PARD3B: variants seen among roughly 807,000 people sequenced by gnomAD.
PARD3B encodes partitioning defective 3 homolog B.
A neutral mutation model predicts 130.2 loss-of-function variants in PARD3B; 103 were observed. The observed-to-expected ratio is 0.79, with a 90% confidence interval of 0.67 to 0.93. PARD3B has a LOEUF of 0.93. PARD3B is among the 40% of genes least tolerant of loss of function. The pLI, the probability that PARD3B is intolerant of heterozygous loss-of-function variation, is 0.00. For synonymous variants in PARD3B, 583 were observed against 553.2 expected, an observed-to-expected ratio of 1.05 and a Z score of -0.76; for missense variants, 1,609 against 1,499.2, an observed-to-expected ratio of 1.07 and a Z score of -1.21.
intron 13 of PARD3B, among the ~76,000 whole-genome samples, chr2:205,180,861 A>T (rs1481066998): frequency 2.0e-5 from 3 of 152,150 alleles, no homozygotes; most frequent in Admixed American, 2.0e-4. Flanking sequence ...GGTAATAGGG[A>T]TGGAGGCTGT....
At chr2:205,134,537 A>G (rs1171109195) in intron 10 of PARD3B, among the ~76,000 whole-genome samples, 1 of 152,138 alleles carries the variant, frequency 6.6e-6, no homozygotes, top group Admixed American at 6.6e-5. Context: ...AAACAAAGTC[A>G]GAAATAGCTT....
intron 22 of PARD3B, among the ~76,000 whole-genome samples, chr2:205,606,908 C>T (rs555757695): frequency 1.3e-5 from 2 of 152,236 alleles, no homozygotes; most frequent in Admixed American, 6.5e-5. Flanking sequence ...ATCACCTGGG[C>T]CCTTGAGAGA....
chr2:205,445,722 TAAAG>T (rs1434833117), intron 20 of PARD3B, among the ~76,000 whole-genome samples: 1 of 152,150 alleles, frequency 6.6e-6, no homozygotes, highest in Non-Finnish European at 1.5e-5. Context: ...CCTGGATAAG[TAAAG>T]AAGCATCCAT....
Position 204,907,946 on chromosome 2 carries a change from C to A in PARD3B, c.223-57206C>A, listed in dbSNP as rs1265633724. Reference sequence around the variant, plus strand: ...CAAACTCCTGGCCTCAAGTGACCTGCCTGCCTCAGCCTCCCAAAGTGCTGG... The same window carrying A: ...CAAACTCCTGGCCTCAAGTGACCTGACTGCCTCAGCCTCCCAAAGTGCTGG... On this transcript the variant is annotated intron_variant, in intron 2 of 22. Transcript: ENST00000406610. The surrounding 1 kb of genome is among the most constrained non-coding windows in gnomAD (Gnocchi z 5.7). Among the ~76,000 whole-genome samples, 1 of 152,134 alleles carries A rather than the reference C, an allele frequency of 6.6e-6. No individual in the cohort carries two copies. Among genetic ancestry groups the A allele is most frequent in the Non-Finnish European group, 1.5e-5 (1 of 68,014 alleles).
chr2:204,696,511 G>A (rs1055345888), intron 2 of PARD3B, among the ~76,000 whole-genome samples: 3 of 151,948 alleles, frequency 2.0e-5, no homozygotes, highest in Non-Finnish European at 4.4e-5. Flanking sequence ...CCAACAAGAC[G>A]TTTTTGACTT....
chr2:204,963,391 T>A (rs1233551570), intron 2 of PARD3B, among the ~76,000 whole-genome samples: 1 of 152,160 alleles, frequency 6.6e-6, no homozygotes, highest in Non-Finnish European at 1.5e-5. Flanking sequence ...TTAAGGCACA[T>A]GGGTTATACT....
chr2:204,594,077 A>AAATGGAGT (rs1221410472), intron 1 of PARD3B, among the ~76,000 whole-genome samples: 1 of 152,228 alleles, frequency 6.6e-6, no homozygotes, highest in Admixed American at 6.5e-5. Context: ...TGAATAAATG[A>AAATGGAGT]AATGGAGTCT....
At chr2:205,185,044 T>C (rs2036015400) in intron 13 of PARD3B, among the ~76,000 whole-genome samples, 1 of 152,332 alleles carries the variant, frequency 6.6e-6, no homozygotes, top group Non-Finnish European at 1.5e-5. Flanking sequence ...CTTAATATAA[T>C]GTCTGCTGTA....
chr2:204,584,311 G>A (rs185326284), intron 1 of PARD3B, among the ~76,000 whole-genome samples: 12 of 152,248 alleles, frequency 7.9e-5, no homozygotes, highest in Admixed American at 6.5e-4. Context: ...TGCGGTAATT[G>A]AATATTTAGA....
chr2:204,553,614 C>CTATATA (rs1559152160), intron 1 of PARD3B, among the ~76,000 whole-genome samples: 1 of 13,390 alleles, frequency 7.5e-5, no homozygotes, highest in African/African-American at 2.2e-4. Flanking sequence ...ATATATATGG[C>CTATATA]TATATACATA....
At chr2:204,740,484 T>C (rs1010113494) in intron 2 of PARD3B, among the ~76,000 whole-genome samples, 2 of 152,242 alleles carry the variant, frequency 1.3e-5, no homozygotes, top group African/African-American at 2.4e-5. Flanking sequence ...ATTATGCTTC[T>C]GGATTCTGCA....
chr2:205,418,778 C>T (rs1445163185), intron 19 of PARD3B, among the ~76,000 whole-genome samples: 1 of 152,010 alleles, frequency 6.6e-6, no homozygotes, highest in African/African-American at 2.4e-5. Flanking sequence ...ATTTTCCAAG[C>T]AATCAGGGTG....
intron 18 of PARD3B, among the ~76,000 whole-genome samples, chr2:205,380,180 G>T (rs1488934418): frequency 3.1e-5 from 1 of 32,504 alleles, no homozygotes; most frequent in African/African-American, 5.9e-5. Flanking sequence ...TATATAATAT[G>T]TAAAGAATAT....
At position 204,799,530 on chromosome 2, in the gene PARD3B, G is replaced by A. The variant is rs1388902834; in HGVS notation, c.222+113248G>A. On this transcript the variant is annotated intron_variant, in intron 2 of 22. Coordinates refer to ENST00000406610, the MANE Select transcript of PARD3B (RefSeq NM_001302769.2). The surrounding 1 kb of genome is among the most constrained non-coding windows in gnomAD (Gnocchi z 4.1). Reference sequence around the variant, plus strand: ...CTTGGGCCGTGAGTGAACATTCACAGCCAGACAGTGGTCACTGTGGGTCTT... The same window carrying A: ...CTTGGGCCGTGAGTGAACATTCACAACCAGACAGTGGTCACTGTGGGTCTT... Among the ~76,000 whole-genome samples, 1 of 152,176 alleles carries A rather than the reference G, an allele frequency of 6.6e-6. No homozygotes were observed. The highest frequency in any genetic ancestry group is 1.5e-5 in the Non-Finnish European group (1 of 68,036).
intron 20 of PARD3B, among the ~76,000 whole-genome samples, chr2:205,484,371 G>C (rs1004223925): frequency 2.0e-5 from 3 of 152,084 alleles, no homozygotes; most frequent in African/African-American, 7.2e-5. Flanking sequence ...TGCTTTTCCA[G>C]TCCTGCCTGC....
intron 2 of PARD3B, among the ~76,000 whole-genome samples, chr2:204,691,781 C>G (rs888790118): frequency 6.6e-6 from 1 of 151,824 alleles, no homozygotes; most frequent in Admixed American, 6.6e-5. Context: ...AACTATTTTA[C>G]TGTATATTTT....
At chr2:205,074,475 C>T (rs1314794608) in intron 4 of PARD3B, among the ~76,000 whole-genome samples, 1 of 152,150 alleles carries the variant, frequency 6.6e-6, no homozygotes, top group Admixed American at 6.5e-5. Flanking sequence ...CGTATGTCAT[C>T]TATTGCCTGT....
At chr2:204,838,708 T>C (rs1189393629) in intron 2 of PARD3B, among the ~76,000 whole-genome samples, 1 of 152,106 alleles carries the variant, frequency 6.6e-6, no homozygotes, top group Non-Finnish European at 1.5e-5. Flanking sequence ...TATTAGAGAA[T>C]AATTAGAATC....
At chr2:204,806,014 A>G (rs1203223119) in intron 2 of PARD3B, among the ~76,000 whole-genome samples, 1 of 152,162 alleles carries the variant, frequency 6.6e-6, no homozygotes. Flanking sequence ...AAGCTACTCC[A>G]TGTTCATGGA....
Sources: allele counts gnomAD v4.1 joint callset (sites outside exome capture counted in the v4.1 genomes callset), GRCh38; gene constraint gnomAD v4.1.1; non-coding constraint Gnocchi (gnomAD v3.1); transcripts MANE v1.5; gene names NCBI Gene and HGNC (gene_info 2026-07-23, HGNC 2026-07-21).